The following TPST1 variants were observed in gnomAD, a reference collection of about 807,000 sequenced individuals.
TPST1 encodes the protein tyrosylprotein sulfotransferase 1, also known as protein-tyrosine sulfotransferase 1.
A neutral mutation model predicts 34.8 loss-of-function variants in TPST1; 20 were observed. That is an observed-to-expected ratio of 0.57 (90% CI 0.40 to 0.84). The LOEUF (loss-of-function observed/expected upper bound fraction) is 0.84, where lower values mean the gene tolerates loss of function less well. TPST1 is among the 40% of genes least tolerant of loss of function. The pLI, the probability that TPST1 is intolerant of heterozygous loss-of-function variation, is 0.00. For synonymous variants in TPST1, 152 were observed against 159.4 expected, an observed-to-expected ratio of 0.95 and a Z score of 0.35; for missense variants, 353 against 455.5, an observed-to-expected ratio of 0.78 and a Z score of 2.05.
In TPST1 at chr7:66,240,500, C is replaced by A; in HGVS notation, c.75C>A (p.Gly25=). ...VISSVTVFYL[G]QHAMECHHRI... ...GTTCTGTGACTGTGTTTTACCTGGGCCAGCATGCCATGGAATGCCATCACC... is the reference window on the plus strand; with the variant it reads ...GTTCTGTGACTGTGTTTTACCTGGGACAGCATGCCATGGAATGCCATCACC... The change falls in exon 2 of 6, where the codon GGC becomes GGA. Residue 25 remains glycine (G), a synonymous_variant. Transcript: ENST00000304842. 6.2e-7 allele frequency: 1 copy of A among 1,614,176 alleles called. No homozygotes were observed. Among genetic ancestry groups the A allele is most frequent in the Non-Finnish European group, 8.5e-7 (1 of 1,180,042 alleles).
intron 1 of TPST1, among the ~76,000 whole-genome samples, chr7:66,206,380 A>C (rs1249032185): frequency 6.6e-6 from 1 of 152,184 alleles, no homozygotes; most frequent in East Asian, 1.9e-4. Flanking sequence ...CACGCATGTT[A>C]GCCTCTTCCT....
At chr7:66,239,264 A>G (rs1006337523) in intron 1 of TPST1, among the ~76,000 whole-genome samples, 1 of 152,148 alleles carries the variant, frequency 6.6e-6, no homozygotes, top group Non-Finnish European at 1.5e-5. Flanking sequence ...TACAGGCGTA[A>G]GCTGCTGCAC....
At chr7:66,278,450 T>G (rs997685048) in intron 2 of TPST1, among the ~76,000 whole-genome samples, 2 of 152,072 alleles carry the variant, frequency 1.3e-5, no homozygotes, top group African/African-American at 4.8e-5. Context: ...GAAGATACTC[T>G]TCGTGATTCT....
intron 3 of TPST1, among the ~76,000 whole-genome samples, chr7:66,338,585 A>G (rs1226508201): frequency 6.6e-6 from 1 of 152,334 alleles, no homozygotes; most frequent in East Asian, 1.9e-4. Context: ...AGGTCACAAA[A>G]CAAGTTTTAA....
chr7:66,309,754 A>AT (rs1343162306), intron 3 of TPST1, among the ~76,000 whole-genome samples: 4 of 152,232 alleles, frequency 2.6e-5, no homozygotes, highest in Non-Finnish European at 4.4e-5. Context: ...TAAAAATGCC[A>AT]GATATTCATT....
upstream of TPST1, chr7:66,205,156 C>T (rs1317594751): frequency 6.6e-6 from 1 of 152,298 alleles, no homozygotes; most frequent in African/African-American, 2.4e-5. The surrounding 1 kb of genome is among the most constrained non-coding windows in gnomAD (Gnocchi z 5.0). Flanking sequence ...CAGACCCCCG[C>T]CCCTCGGCGC....
intron 1 of TPST1, among the ~76,000 whole-genome samples, chr7:66,236,087 C>T (rs1010254590): frequency 6.6e-6 from 1 of 152,082 alleles, no homozygotes; most frequent in Non-Finnish European, 1.5e-5. Flanking sequence ...CTTTGACAGA[C>T]AGTGAGCAGA....
At chr7:66,286,823 T>TTTTTTG in intron 3 of TPST1, 114 bp downstream of exon 3, 1 of 645,776 alleles carries the variant, frequency 1.5e-6, no homozygotes, top group Non-Finnish European at 2.1e-6. Context: ...ATATATTTTT[T>TTTTTTG]TTTTTTTTCA....
At chr7:66,336,127 G>A (rs902143653) in intron 3 of TPST1, among the ~76,000 whole-genome samples, 4 of 152,108 alleles carry the variant, frequency 2.6e-5, no homozygotes, top group South Asian at 2.1e-4. Flanking sequence ...TGGCTAACAT[G>A]GTGAAACCCC....
At chr7:66,339,286 AC>A (rs1329104556) in intron 3 of TPST1, among the ~76,000 whole-genome samples, 1 of 152,206 alleles carries the variant, frequency 6.6e-6, no homozygotes, top group Non-Finnish European at 1.5e-5. Context: ...CATACAACCT[AC>A]CAAGATTGAA....
In TPST1 at chr7:66,284,551, C is replaced by CT. The variant is rs5884585; in HGVS notation, c.846-1938dup. 2.8e-3 allele frequency among the ~76,000 whole-genome samples: 219 copies of CT among 77,024 alleles called. 2 individuals carry two copies. The highest frequency in any genetic ancestry group is 5.6e-3 in the South Asian group (13 of 2,310). The allele number at this position is 77,024 out of a possible 152,430, so 50.5% of individuals were successfully genotyped here. ...CTTATCTAATTGGCCACTGTCTTAG[C>CT]TTTTTTTTTTTTTTTTTTTTTTAAA... is the stretch of plus-strand genomic sequence containing the variant. On this transcript the variant is annotated intron_variant, in intron 2 of 5. Coordinates refer to ENST00000304842, the MANE Select transcript of TPST1 (RefSeq NM_003596.4).
At chr7:66,292,942 C>T (rs537374700) in intron 3 of TPST1, among the ~76,000 whole-genome samples, 1 of 152,328 alleles carries the variant, frequency 6.6e-6, no homozygotes, top group Non-Finnish European at 1.5e-5. Flanking sequence ...CACGCTGGCT[C>T]ATGCCTGTAA....
chr7:66,283,531 T>C (rs907871783), intron 2 of TPST1, among the ~76,000 whole-genome samples: 8 of 152,196 alleles, frequency 5.3e-5, no homozygotes, highest in African/African-American at 1.9e-4. Flanking sequence ...TGAATGAGTG[T>C]GGCTGTGTTC....
At chr7:66,352,483 C>CA (rs1338314080) in intron 3 of TPST1, 22 bp from the exon 4 acceptor site, 4 of 1,609,150 alleles carry the variant, frequency 2.5e-6, no homozygotes, top group East Asian at 2.2e-5. Flanking sequence ...GCCTTAAACT[C>CA]ACGCCTGCTT....
chr7:66,283,468 A>T (rs916215916), intron 2 of TPST1, among the ~76,000 whole-genome samples: 9 of 152,184 alleles, frequency 5.9e-5, no homozygotes, highest in Non-Finnish European at 1.2e-4. Context: ...TCTCTTCCTC[A>T]GCTACTCAAC....
intron 2 of TPST1, among the ~76,000 whole-genome samples, chr7:66,242,844 GA>G (rs1790064860): frequency 6.6e-6 from 1 of 152,050 alleles, no homozygotes; most frequent in Admixed American, 6.6e-5. Context: ...TAAAGGCCAA[GA>G]AAATTCATAG....
intron 2 of TPST1, among the ~76,000 whole-genome samples, chr7:66,260,460 CATA>C (rs1562819304): frequency 1.3e-5 from 2 of 152,126 alleles, no homozygotes; most frequent in African/African-American, 4.8e-5. Flanking sequence ...GACTGTACTC[CATA>C]ATAACTGTGG....
intron 1 of TPST1, among the ~76,000 whole-genome samples, chr7:66,206,286 T>C (rs975504143): frequency 6.6e-5 from 10 of 152,058 alleles, no homozygotes; most frequent in African/African-American, 2.4e-4. Context: ...TCTTCATTCG[T>C]CCTTACATGA....
At chr7:66,222,153 G>T (rs1789555920) in intron 1 of TPST1, among the ~76,000 whole-genome samples, 1 of 152,288 alleles carries the variant, frequency 6.6e-6, no homozygotes, top group African/African-American at 2.4e-5. Flanking sequence ...GGAGGCCGAG[G>T]CAGGTGGATC....
Sources: allele counts gnomAD v4.1 joint callset (sites outside exome capture counted in the v4.1 genomes callset), GRCh38; gene constraint gnomAD v4.1.1; non-coding constraint Gnocchi (gnomAD v3.1); transcripts MANE v1.5; gene names NCBI Gene and HGNC (gene_info 2026-07-23, HGNC 2026-07-21).